SCFD2: variants seen among roughly 807,000 people sequenced by gnomAD.
SCFD2 encodes sec1 family domain-containing protein 2.
SCFD2 carries 54 observed loss-of-function variants against 58.9 expected under a neutral mutation model. The observed-to-expected ratio is 0.92, with a 90% CI of 0.74 to 1.15. The LOEUF is 1.15. Among genes scored for constraint, SCFD2 ranks in the 50% most tolerant of loss-of-function variants. The pLI is 0.00. For missense variants in SCFD2, 805 were observed against 836.6 expected, an observed-to-expected ratio of 0.96 and a Z score of 0.47; for synonymous variants, 321 against 335.9, an observed-to-expected ratio of 0.96 and a Z score of 0.49.
intron 2 of SCFD2, among the ~76,000 whole-genome samples, chr4:53,337,039 G>T (rs62324333): frequency 0.09 from 8,664 of 96,112 alleles, 308 homozygotes; most frequent in Middle Eastern, 0.21. Context: ...AATGATGGGT[G>T]TATTAGTCTA....
intron 1 of SCFD2, among the ~76,000 whole-genome samples, chr4:53,363,813 A>C (rs1045600020): frequency 9.8e-5 from 13 of 132,926 alleles, no homozygotes; most frequent in Non-Finnish European, 1.9e-4. Flanking sequence ...GGCGACAGAG[A>C]GAGACTCCGT....
intron 3 of SCFD2, among the ~76,000 whole-genome samples, chr4:53,303,933 C>T (rs1189963412): frequency 7.6e-6 from 1 of 132,324 alleles, no homozygotes; most frequent in Non-Finnish European, 1.5e-5. Context: ...AGGGGAACAT[C>T]ACACACTGGG....
intron 4 of SCFD2, among the ~76,000 whole-genome samples, chr4:53,198,288 T>A (rs1728120930): frequency 1.3e-5 from 2 of 152,076 alleles, no homozygotes; most frequent in Admixed American, 6.6e-5. Context: ...TTTATCTTCA[T>A]CTTCAATTTC....
chr4:52,895,418 G>A (rs750074391), intron 7 of SCFD2, among the ~76,000 whole-genome samples: 47 of 152,134 alleles, frequency 3.1e-4, no homozygotes, highest in Admixed American at 5.9e-4. Context: ...GAGAACATGC[G>A]GTGTTTGGTT....
intron 5 of SCFD2, among the ~76,000 whole-genome samples, chr4:53,090,641 T>A (rs1405266464): frequency 6.6e-6 from 1 of 152,182 alleles, no homozygotes; most frequent in Non-Finnish European, 1.5e-5. Flanking sequence ...GGATCTTTAG[T>A]AACCATTCAT....
At chr4:53,218,130 C>T (rs996036365) in intron 4 of SCFD2, among the ~76,000 whole-genome samples, 5 of 152,144 alleles carry the variant, frequency 3.3e-5, no homozygotes, top group Non-Finnish European at 7.3e-5. Context: ...CTTGGAGTTG[C>T]TCTTCTCAAG....
intron 4 of SCFD2, among the ~76,000 whole-genome samples, chr4:53,227,973 C>T (rs138887968): frequency 6.6e-6 from 1 of 152,240 alleles, no homozygotes; most frequent in African/African-American, 2.4e-5. Flanking sequence ...ATTGAAAGCA[C>T]AGACTTTGGA....
Position 53,292,826 on chromosome 4 carries a change from T to A in SCFD2, c.1136-18825A>T, listed in dbSNP as rs1240593138. 2.0e-5 allele frequency among the ~76,000 whole-genome samples: 3 copies of A among 151,844 alleles called. No individual in the cohort carries two copies. The East Asian group carries it at 5.8e-4, about 29-fold the overall frequency. On this transcript the variant is annotated intron_variant, in intron 3 of 8. Coordinates refer to ENST00000401642, the MANE Select transcript of SCFD2 (RefSeq NM_152540.4). ...AAATGTCCATCAATGGTAGACTGGATAAAGAAAATGTGGTGGGGAACATCA... is the reference window on the plus strand; with the variant it reads ...AAATGTCCATCAATGGTAGACTGGAAAAAGAAAATGTGGTGGGGAACATCA...
At chr4:52,947,089 C>T (rs916347603) in intron 5 of SCFD2, among the ~76,000 whole-genome samples, 9 of 152,128 alleles carry the variant, frequency 5.9e-5, no homozygotes, top group African/African-American at 2.4e-5. Context: ...TACAGGCTTT[C>T]TTCTCCCTAA....
intron 4 of SCFD2, among the ~76,000 whole-genome samples, chr4:53,258,538 GTATATATA>G (rs59321045): frequency 0.041 from 4,969 of 119,886 alleles, 250 homozygotes; most frequent in East Asian, 0.16. Context: ...TGGTGTGTGT[GTATATATA>G]TATATATATA....
chr4:53,202,580 G>C (rs1431590523), intron 4 of SCFD2, among the ~76,000 whole-genome samples: 1 of 152,164 alleles, frequency 6.6e-6, no homozygotes, highest in East Asian at 1.9e-4. Context: ...TTGGTAGCTA[G>C]ATGGGGATGG....
chr4:53,265,487 G>A (rs1730956416), intron 4 of SCFD2: 1 of 152,050 alleles, frequency 6.6e-6, no homozygotes, highest in African/African-American at 2.4e-5. Context: ...TCACGAATTT[G>A]CATGTCATCT....
intron 4 of SCFD2, among the ~76,000 whole-genome samples, chr4:53,246,061 G>A (rs545861930): frequency 5.9e-5 from 9 of 152,036 alleles, no homozygotes; most frequent in East Asian, 5.8e-4. Flanking sequence ...ATAGCCAAGC[G>A]GAGAGCCAAA....
intron 5 of SCFD2, among the ~76,000 whole-genome samples, chr4:53,003,905 A>G (rs886939571): frequency 1.3e-5 from 2 of 152,220 alleles, no homozygotes; most frequent in African/African-American, 4.8e-5. Context: ...AGGGCACAAT[A>G]ACAGTTTTCA....
At chr4:53,363,635 A>G (rs1734611340) in intron 1 of SCFD2, among the ~76,000 whole-genome samples, 1 of 152,036 alleles carries the variant, frequency 6.6e-6, no homozygotes, top group Non-Finnish European at 1.5e-5. Context: ...GGAGATCGAG[A>G]CCACGGTGAA....
In SCFD2 at chr4:53,365,812, G is replaced by C. The variant is rs745849592; in HGVS notation, c.130C>G (p.Arg44Gly). The change falls in exon 1 of 9, where the codon CGT becomes GGT. Residue 44 changes from arginine (R) to glycine (G), a missense_variant. Arg to Gly is a moderately radical substitution (Grantham distance 125, BLOSUM62 -2). Transcript: ENST00000401642. The surrounding 1 kb of genome is among the most constrained non-coding windows in gnomAD (Gnocchi z 4.3). Reference protein sequence around the residue: ...ESLHWGCGSTRLLEAVGGPDC... With the variant: ...ESLHWGCGSTGLLEAVGGPDC... ...GGACCCCCCACCGCCTCCAGGAGAC[G>C]GGTGGATCCGCAGCCCCAGTGCAGG... 7 of 1,613,976 alleles carry C rather than the reference G, an allele frequency of 4.3e-6. No individual in the cohort carries two copies. Among genetic ancestry groups the C allele is most frequent in the Non-Finnish European group, 5.1e-6 (6 of 1,180,002 alleles).
In SCFD2 at chr4:52,962,040, A is replaced by C. The variant is rs1313697018; in HGVS notation, c.1562-41170T>G. 2.0e-5 allele frequency among the ~76,000 whole-genome samples: 3 copies of C among 152,216 alleles called. No homozygotes were observed. The South Asian group carries it at 6.2e-4, about 31-fold the overall frequency. ...GTTGAGTCCCTGCACCTCTGAATTG[A>C]GAGGATAGTGGTTCCACTGATGGAA... On this transcript the variant is annotated intron_variant, in intron 5 of 8. Transcript: ENST00000401642.
intron 7 of SCFD2, among the ~76,000 whole-genome samples, chr4:52,887,928 G>C (rs556926720): frequency 8.5e-4 from 112 of 131,178 alleles, no homozygotes; most frequent in Non-Finnish European, 1.5e-3. Flanking sequence ...TTTTGAGACG[G>C]AGTCTCGCTC....
chr4:52,959,645 T>A (rs1384863895), intron 5 of SCFD2, among the ~76,000 whole-genome samples: 1 of 152,122 alleles, frequency 6.6e-6, no homozygotes. Context: ...AAGCTCTTGC[T>A]TCGTATACGA....
Sources: allele counts gnomAD v4.1 joint callset (sites outside exome capture counted in the v4.1 genomes callset), GRCh38; gene constraint gnomAD v4.1.1; non-coding constraint Gnocchi (gnomAD v3.1); transcripts MANE v1.5; gene names NCBI Gene and HGNC (gene_info 2026-07-23, HGNC 2026-07-21).